The following SERPINB12 variants were observed in gnomAD, a reference collection of about 807,000 sequenced individuals.
The protein encoded by SERPINB12 is serpin B12.
SERPINB12 carries 57 observed loss-of-function variants against 41.1 expected under a neutral mutation model. The observed-to-expected ratio is 1.39, with a 90% CI of 1.12 to 1.73. The LOEUF (loss-of-function observed/expected upper bound fraction) is 1.73, where lower values mean the gene tolerates loss of function less well. Ranked by LOEUF, SERPINB12 falls within the 40% of genes most tolerant of loss-of-function variation. The probability of loss-of-function intolerance (pLI) is 0.00; values close to 1 mark genes in which losing one functional copy is unlikely to be tolerated. For synonymous variants in SERPINB12, 180 were observed against 181.3 expected (o/e 0.99, Z 0.06); for missense variants, 536 against 501.9 (o/e 1.07, Z -0.65).
chr18:63,545,546 G>T (rs1910368493), intron 1 of SERPINB12, among the ~76,000 whole-genome samples: 1 of 152,180 alleles, frequency 6.6e-6, no homozygotes, highest in Admixed American at 6.5e-5. Context: ...TCTGTAGTTA[G>T]ATCTTTGTTG....
At chr18:63,562,485 TG>T (rs1910945549) in intron 5 of SERPINB12, among the ~76,000 whole-genome samples, 1 of 152,206 alleles carries the variant, frequency 6.6e-6, no homozygotes, top group Non-Finnish European at 1.5e-5. Flanking sequence ...TATTTTAGGC[TG>T]TCCTTGGTAC....
chr18:63,553,554 C>T (rs1217667877), intron 1 of SERPINB12, among the ~76,000 whole-genome samples: 1 of 152,038 alleles, frequency 6.6e-6, no homozygotes, highest in Non-Finnish European at 1.5e-5. Flanking sequence ...CTAACCAACC[C>T]CTTCTTTTCC....
At chr18:63,524,412 C>T in the SERPINB12 span, among the ~76,000 whole-genome samples, 7 of 152,030 alleles carry the variant, frequency 4.6e-5, no homozygotes, top group South Asian at 1.5e-3. Flanking sequence ...GCCTCAGCCT[C>T]CTGAGTAGCT....
rs1314406276 is a variant in SERPINB12, at chr18:63,556,317, A to C, written c.158A>C (p.Gln53Pro). The change falls in exon 2 of 8, where the codon CAG becomes CCG. Residue 53 changes from glutamine to proline, a missense_variant. By Grantham distance (76) the Gln-to-Pro change is moderately conservative (BLOSUM62 -1). Transcript: ENST00000382768. ...GGTGCTAGAAGTGACAGTGCACATCAGATTGATGAGGTACGTGTCCACTAG... is the reference window on the plus strand; with the variant it reads ...GGTGCTAGAAGTGACAGTGCACATCCGATTGATGAGGTACGTGTCCACTAG... ...RLGARSDSAHQIDEVLHFNEF... is the reference protein window; with the variant it reads ...RLGARSDSAHPIDEVLHFNEF... 6.2e-7 allele frequency: 1 copy of C among 1,613,438 alleles called. No individual in the cohort carries two copies. The highest frequency in any genetic ancestry group is 1.3e-5 in the African/African-American group (1 of 74,902).
intron 5 of SERPINB12, among the ~76,000 whole-genome samples, chr18:63,563,227 C>T (rs1910971842): frequency 6.6e-6 from 1 of 152,148 alleles, no homozygotes; most frequent in Admixed American, 6.5e-5. Flanking sequence ...TGGTCTAGCA[C>T]ATTTATGTGT....
At chr18:63,556,435 T>A (rs1232673049) in intron 2 of SERPINB12, 108 bp downstream of exon 2, 1 of 1,000,202 alleles carries the variant, frequency 1.0e-6, no homozygotes, top group Non-Finnish European at 1.5e-6. Flanking sequence ...CACCCTGGGC[T>A]TGGTCAGAAC....
chr18:63,526,901 C>T, the SERPINB12 span, among the ~76,000 whole-genome samples: 3 of 152,150 alleles, frequency 2.0e-5, no homozygotes, highest in Non-Finnish European at 4.4e-5. Flanking sequence ...TAGGCCATAT[C>T]GTATTGCCTG....
rs1003796067 is a variant in SERPINB12 at position 63,567,168 on chromosome 18, G to T, written c.*157G>T. Among the ~76,000 whole-genome samples, 1 of 152,084 alleles carries T rather than the reference G, an allele frequency of 6.6e-6. No homozygotes were observed. The highest frequency in any genetic ancestry group is 2.4e-5 in the African/African-American group (1 of 41,408). ...CTTATCTTGATCTTTCTGTCACCCT[G>T]TAGCTTATTTTCATCTGAGTCTGTT... On this transcript the variant is annotated 3_prime_UTR_variant, in exon 8 of 8. Coordinates refer to ENST00000382768, the MANE Select transcript of SERPINB12 (RefSeq NM_001307928.2).
chr18:63,565,576 A>G lies in SERPINB12; in HGVS notation c.837A>G (p.Pro279=), dbSNP rs375138382. 15 of 1,613,924 alleles carry G rather than the reference A, an allele frequency of 9.3e-6. No homozygotes were observed. Among genetic ancestry groups the G allele is most frequent in the African/African-American group, 2.7e-5 (2 of 74,932 alleles). ...AGCTCAGCATGTTCGTGCTGCTGCCATCTCACTCTAAAGATAACCTGAAGG... is the reference window on the plus strand; with the variant it reads ...AGCTCAGCATGTTCGTGCTGCTGCCGTCTCACTCTAAAGATAACCTGAAGG... ...KGKLSMFVLL[P]SHSKDNLKGL... is the part of the protein sequence containing the mutation. Residue 279 remains proline, a synonymous_variant, in exon 7 of 8, where the codon CCA becomes CCG. Coordinates refer to ENST00000382768, the MANE Select transcript of SERPINB12 (RefSeq NM_001307928.2).
At chr18:63,554,667 G>A (rs1476472925) in intron 1 of SERPINB12, among the ~76,000 whole-genome samples, 1 of 152,188 alleles carries the variant, frequency 6.6e-6, no homozygotes, top group African/African-American at 2.4e-5. Context: ...GAATAGATTG[G>A]GTGGGGAAGG....
intron 7 of SERPINB12, among the ~76,000 whole-genome samples, chr18:63,566,104 G>A (rs73468576): frequency 0.015 from 2,315 of 152,220 alleles, 66 homozygotes; most frequent in African/African-American, 0.053. Context: ...ATTGTCCAGG[G>A]GGGTAAAGAG....
chr18:63,544,173 C>T (rs1295896942), intron 1 of SERPINB12, among the ~76,000 whole-genome samples: 2 of 152,040 alleles, frequency 1.3e-5, no homozygotes, highest in Non-Finnish European at 2.9e-5. Flanking sequence ...CAAAAGCAGC[C>T]ATAGACAGTA....
intron 1 of SERPINB12, among the ~76,000 whole-genome samples, chr18:63,552,155 A>G (rs1170935341): frequency 1.3e-5 from 2 of 152,194 alleles, no homozygotes; most frequent in African/African-American, 4.8e-5. Flanking sequence ...GCATGCCATG[A>G]TGTGAATTTC....
chr18:63,537,346 T>C, the SERPINB12 span, among the ~76,000 whole-genome samples: 4 of 152,214 alleles, frequency 2.6e-5, no homozygotes, highest in African/African-American at 9.6e-5. Flanking sequence ...TTTCTTGCAC[T>C]GCACCTAGTA....
rs773503988 is a variant in SERPINB12 at position 63,566,889 on chromosome 18, G to A, written c.1156G>A (p.Val386Ile). 1 of 1,614,188 alleles carries A rather than the reference G, an allele frequency of 6.2e-7. No homozygotes were observed. The highest frequency in any genetic ancestry group is 8.5e-7 in the Non-Finnish European group (1 of 1,180,002). ...CCAGGCAGCTGCAGCCACTGGGGCT[G>A]TTGTCTCGGAAAGGTCACTACGATC... ...GTQAAAATGA[V>I]VSERSLRSWV... The change falls in exon 8 of 8, where the codon GTT (valine) becomes ATT (isoleucine). Residue 386 changes from valine to isoleucine, a missense_variant. Transcript: ENST00000382768.
At chr18:63,556,735 A>G (rs1194817541) in intron 2 of SERPINB12, among the ~76,000 whole-genome samples, 1 of 152,246 alleles carries the variant, frequency 6.6e-6, no homozygotes, top group East Asian at 1.9e-4. Flanking sequence ...ATATGGTTCC[A>G]GTGGCTAGAG....
chr18:63,566,794 C>T lies in SERPINB12; in HGVS notation c.1061C>T (p.Ser354Phe), dbSNP rs147331436. ...ACGAGGGCTGATCTTACTGGAATCT[C>T]TCCAAGTCCCAATTTGTACTTGTCA... Reference protein sequence around the residue: ...DETRADLTGISPSPNLYLSKI... With the variant: ...DETRADLTGIFPSPNLYLSKI... Residue 354 changes from serine (S) to phenylalanine (F), a missense_variant, in exon 8 of 8, where the codon TCT (serine) becomes TTT (phenylalanine). Ser to Phe is a radical substitution (Grantham distance 155). Transcript: ENST00000382768. 1.4e-4 allele frequency: 231 copies of T among 1,614,006 alleles called. 1 individual carries two copies. The highest frequency in any genetic ancestry group is 1.8e-4 in the Non-Finnish European group (210 of 1,180,010).
At chr18:63,537,833 T>C (rs1244708193), upstream of SERPINB12, among the ~76,000 whole-genome samples, 1 of 152,156 alleles carries the variant, frequency 6.6e-6, no homozygotes, top group Non-Finnish European at 1.5e-5. Flanking sequence ...AAAATAACAT[T>C]AAGTCTTTGC....
intron 1 of SERPINB12, among the ~76,000 whole-genome samples, 159 bp downstream of exon 1, chr18:63,542,651 T>C (rs998389972): frequency 6.6e-6 from 1 of 152,130 alleles, no homozygotes; most frequent in Non-Finnish European, 1.5e-5. Flanking sequence ...TTAAAAACTT[T>C]TATTTTAGGT....
Sources: gnomAD v4.1 joint callset for allele counts (sites outside exome capture counted in the v4.1 genomes callset) on GRCh38, gnomAD v4.1.1 for gene constraint, MANE v1.5 for transcripts, NCBI Gene and HGNC (gene_info 2026-07-23, HGNC 2026-07-21) for gene names.